The following KLF13 variants were observed in gnomAD, a reference collection of about 807,000 sequenced individuals.
KLF13 encodes the protein Krueppel-like factor 13.
A neutral mutation model predicts 16.7 loss-of-function variants in KLF13; 8 were observed. The ratio of observed to expected loss-of-function variants is 0.48; its 90% CI spans 0.28 to 0.87. The LOEUF is 0.87. KLF13 is among the 40% of genes least tolerant of loss of function. KLF13 has a pLI of 0.10. For missense variants in KLF13, 447 were observed against 452.2 expected (o/e 0.99, Z 0.10); for synonymous variants, 245 against 208.4 (o/e 1.18, Z -1.51).
At chr15:31,416,143 G>A (rs532577755) in intron 1 of KLF13, among the ~76,000 whole-genome samples, 4 of 151,964 alleles carry the variant, frequency 2.6e-5, no homozygotes, top group Non-Finnish European at 2.9e-5. Context: ...TAAACAATCC[G>A]AATATACCTA....
At chr15:31,368,267 A>G (rs557684861) in intron 1 of KLF13, among the ~76,000 whole-genome samples, 1 of 152,218 alleles carries the variant, frequency 6.6e-6, no homozygotes, top group Non-Finnish European at 1.5e-5. Flanking sequence ...CAGGGCAAAC[A>G]GGGTCTGAAC....
Position 31,372,020 on chromosome 15 carries a change from C to T in KLF13, c.588C>T (p.Pro196=). The change falls in exon 2 of 2, where the codon CCC becomes CCT. Residue 196 remains proline (P), a synonymous_variant. Transcript: ENST00000307145. Reference sequence around the variant, plus strand: ...CCCCTGTGCCCACAGGTGAGAGGCCCTTCGCCTGCAGCTGGCAGGACTGCA... The same window carrying T: ...CCCCTGTGCCCACAGGTGAGAGGCCTTTCGCCTGCAGCTGGCAGGACTGCA... ...AHLRTHTGER[P]FACSWQDCNK... 2.5e-6 allele frequency: 4 copies of T among 1,604,760 alleles called. No individual in the cohort carries two copies. The highest frequency in any genetic ancestry group is 3.4e-6 in the Non-Finnish European group (4 of 1,176,264).
Position 31,377,746 on chromosome 15 carries a change from CTTTGTATGTAT to C in KLF13, c.*5456_*5466del, listed in dbSNP as rs2140972849. 1 of 152,678 alleles carries C rather than the reference CTTTGTATGTAT, an allele frequency of 6.5e-6. No homozygotes were observed. Among genetic ancestry groups the C allele is most frequent in the Admixed American group, 6.5e-5 (1 of 15,294 alleles). The allele number at this position is 152,678 out of a possible 1,614,324, so 9.5% of individuals were successfully genotyped here. A position where few individuals can be genotyped will look rare whatever the true frequency, so the allele number is the denominator to read the frequency against. On this transcript the variant is annotated 3_prime_UTR_variant, in exon 2 of 2. Coordinates refer to ENST00000307145, the MANE Select transcript of KLF13 (RefSeq NM_015995.4). ...CTGGCCTTGGCTTGCTCGGATAAAA[CTTTGTATGTAT>C]TTTGTATGGCATAGATTCTATATTG...
intron 1 of KLF13, among the ~76,000 whole-genome samples, chr15:31,347,697 G>T (rs1566810314): frequency 6.6e-6 from 1 of 152,226 alleles, no homozygotes; most frequent in East Asian, 1.9e-4. Context: ...GTGTCACAGT[G>T]GCTGGGCCCA....
At chr15:31,413,638 G>A (rs1385732924) in intron 1 of KLF13, among the ~76,000 whole-genome samples, 4 of 151,976 alleles carry the variant, frequency 2.6e-5, no homozygotes, top group Non-Finnish European at 5.9e-5. Context: ...GAAAAATGAA[G>A]GCAAAATAAA....
At chr15:31,353,248 G>C (rs1364641073) in intron 1 of KLF13, among the ~76,000 whole-genome samples, 1 of 152,226 alleles carries the variant, frequency 6.6e-6, no homozygotes, top group Non-Finnish European at 1.5e-5. Flanking sequence ...AGTTACTGGG[G>C]GTGTTTACAG....
intron 1 of KLF13, among the ~76,000 whole-genome samples, chr15:31,424,632 A>T (rs2141011612): frequency 6.6e-6 from 1 of 152,282 alleles, no homozygotes; most frequent in African/African-American, 2.4e-5. Flanking sequence ...ATCTGACCAT[A>T]TTAAAGTGTA....
At chr15:31,327,931 G>A (rs1333922669) in intron 1 of KLF13, 142 bp downstream of exon 1, 5 of 989,138 alleles carry the variant, frequency 5.1e-6, no homozygotes, top group Non-Finnish European at 4.9e-6. Flanking sequence ...TTCCCCTGCC[G>A]CTCCGACCCG....
chr15:31,389,901 A>G (rs1332955547), upstream of KLF13, among the ~76,000 whole-genome samples: 3 of 152,062 alleles, frequency 2.0e-5, no homozygotes, highest in Admixed American at 2.0e-4. Context: ...CCAACCACAC[A>G]AGGAAGATAT....
chr15:31,421,724 AG>A (rs1440461538), intron 1 of KLF13, among the ~76,000 whole-genome samples: 6 of 152,220 alleles, frequency 3.9e-5, no homozygotes, highest in African/African-American at 1.4e-4. Flanking sequence ...AGAAAGGAAA[AG>A]GGACAAAATA....
chr15:31,351,292 G>A (rs913446408), intron 1 of KLF13, among the ~76,000 whole-genome samples: 1 of 152,180 alleles, frequency 6.6e-6, no homozygotes, highest in Non-Finnish European at 1.5e-5. Flanking sequence ...TGAGAAACAG[G>A]AAAGTATCAA....
intron 1 of KLF13, among the ~76,000 whole-genome samples, chr15:31,361,657 G>GGCCC (rs1188613716): frequency 6.6e-6 from 1 of 152,122 alleles, no homozygotes; most frequent in Non-Finnish European, 1.5e-5. Flanking sequence ...TGCAGACAGG[G>GGCCC]GCCCCTCCCT....
At chr15:31,367,256 TGTG>T (rs2039489318) in intron 1 of KLF13, among the ~76,000 whole-genome samples, 1 of 152,198 alleles carries the variant, frequency 6.6e-6, no homozygotes, top group Non-Finnish European at 1.5e-5. Context: ...TAACTCCTGT[TGTG>T]GGCCAGTTCA....
Position 31,423,176 on chromosome 15 carries a change from C to CAT in KLF13, n.118-12188_118-12187dup, listed in dbSNP as rs1555383377. On this transcript the variant is annotated intron_variant and non_coding_transcript_variant, in intron 1 of 1. Coordinates refer to the KLF13 transcript ENST00000558225. ...ATACGTATATATATGTATATATATA[C>CAT]ATATATACGTATATATATATATCAG... 1.7e-3 allele frequency among the ~76,000 whole-genome samples: 29 copies of CAT among 17,004 alleles called. 7 individuals are homozygous for CAT. Among genetic ancestry groups the CAT allele is most frequent in the African/African-American group, 0.011 (22 of 1,952 alleles). 11.2% of individuals were successfully genotyped at this position (17,004 alleles called of 152,430 possible).
At position 31,353,310 on chromosome 15, in the gene KLF13, G is replaced by A. The variant is rs117739037; in HGVS notation, c.578-18700G>A. On this transcript the variant is annotated intron_variant, in intron 1 of 1. Coordinates refer to ENST00000307145, the MANE Select transcript of KLF13 (RefSeq NM_015995.4). ...AGGAAGTCACGCCCACGTTAAGTGC[G>A]TGGGAAACCTGTCCCAGGCGTTCTG... is the stretch of plus-strand genomic sequence containing the variant. 9.4e-3 allele frequency among the ~76,000 whole-genome samples: 1,425 copies of A among 152,318 alleles called. 53 individuals are homozygous for A. The highest frequency in any genetic ancestry group is 0.062 in the South Asian group (300 of 4,822).
intron 1 of KLF13, among the ~76,000 whole-genome samples, chr15:31,352,729 G>C (rs1807100): frequency 0.42 from 64,577 of 152,076 alleles, 14,645 homozygotes; most frequent in East Asian, 0.56. Context: ...TATTTCTTCT[G>C]ACATTTGCAA....
At chr15:31,337,379 C>T (rs1171283731) in intron 1 of KLF13, among the ~76,000 whole-genome samples, 1 of 152,200 alleles carries the variant, frequency 6.6e-6, no homozygotes, top group African/African-American at 2.4e-5. Context: ...GGCTCTGGCC[C>T]CTTGCAGCTG....
upstream of KLF13, among the ~76,000 whole-genome samples, chr15:31,390,069 A>T (rs1443025817): frequency 6.6e-6 from 1 of 152,088 alleles, no homozygotes; most frequent in Non-Finnish European, 1.5e-5. Flanking sequence ...TATTAACAGA[A>T]TAATATTAAT....
intron 2 of KLF13, among the ~76,000 whole-genome samples, chr15:31,394,419 G>A (rs1165790350): frequency 2.6e-5 from 4 of 152,002 alleles, no homozygotes; most frequent in African/African-American, 7.2e-5. Flanking sequence ...CCCGGGAGGC[G>A]GAGCTTGCAG....
Sources: gnomAD v4.1 joint callset for allele counts (sites outside exome capture counted in the v4.1 genomes callset) on GRCh38, gnomAD v4.1.1 for gene constraint, MANE v1.5 for transcripts, NCBI Gene and HGNC (gene_info 2026-07-23, HGNC 2026-07-21) for gene names.